Variants in RANBP17 observed in about 807,000 individuals in gnomAD.
The protein encoded by RANBP17 is RAN binding protein 17, also known as ran-binding protein 17.
RANBP17 carries 158 observed loss-of-function variants against 141.2 expected under a neutral mutation model. The ratio of observed to expected loss-of-function variants is 1.12; its 90% CI spans 0.98 to 1.28. RANBP17 has a LOEUF of 1.28. RANBP17 is among the 50% of genes most tolerant of loss of function. RANBP17 has a pLI of 0.00. For missense variants in RANBP17, 1,438 were observed against 1,290.7 expected (o/e 1.11, Z -1.75); for synonymous variants, 430 against 450.0 (o/e 0.96, Z 0.56).
intron 25 of RANBP17, among the ~76,000 whole-genome samples, chr5:171,274,434 C>T (rs1767369419): frequency 6.6e-6 from 1 of 151,826 alleles, no homozygotes; most frequent in South Asian, 2.1e-4. Context: ...ATGATCTAGT[C>T]CAGATCCTTT....
At chr5:170,982,325 A>T (rs763015208) in intron 14 of RANBP17, among the ~76,000 whole-genome samples, 1 of 152,226 alleles carries the variant, frequency 6.6e-6, no homozygotes, top group East Asian at 1.9e-4. Context: ...TAAAGCTCCT[A>T]TTCTTTTTTG....
At chr5:171,013,077 G>T (rs1780175781) in intron 14 of RANBP17, among the ~76,000 whole-genome samples, 1 of 152,182 alleles carries the variant, frequency 6.6e-6, no homozygotes, top group Non-Finnish European at 1.5e-5. Context: ...TGCATTGAGT[G>T]TATGTGTACG....
chr5:171,058,614 A>G (rs1783579778), intron 14 of RANBP17, among the ~76,000 whole-genome samples: 2 of 150,978 alleles, frequency 1.3e-5, no homozygotes, highest in Non-Finnish European at 2.9e-5. Flanking sequence ...TAGTGCCACA[A>G]TAAACATATG....
intron 14 of RANBP17, among the ~76,000 whole-genome samples, chr5:171,143,877 G>C (rs1757867033): frequency 6.6e-6 from 1 of 152,166 alleles, no homozygotes; most frequent in East Asian, 1.9e-4. Context: ...TCAGCTGAGG[G>C]AACAGTAGAC....
At chr5:171,278,621 G>C (rs567759161) in intron 25 of RANBP17, among the ~76,000 whole-genome samples, 2 of 152,308 alleles carry the variant, frequency 1.3e-5, no homozygotes, top group South Asian at 4.2e-4. Flanking sequence ...GCCAGTCCTA[G>C]AGGAGAGAAA....
chr5:170,965,402 A>T (rs537399876), intron 13 of RANBP17, among the ~76,000 whole-genome samples: 1 of 151,932 alleles, frequency 6.6e-6, no homozygotes, highest in Admixed American at 6.6e-5. Context: ...CTTTAGTTTA[A>T]TTAGATCCCA....
At chr5:170,896,846 A>C in intron 5 of RANBP17, 1 of 477,416 alleles carries the variant, frequency 2.1e-6, no homozygotes, top group South Asian at 2.0e-5. Context: ...CAATAACAAG[A>C]AACAATACAG....
intron 14 of RANBP17, among the ~76,000 whole-genome samples, chr5:171,140,600 C>G (rs1454807595): frequency 1.3e-5 from 2 of 152,164 alleles, no homozygotes; most frequent in Non-Finnish European, 2.9e-5. Flanking sequence ...AGAACAGGTC[C>G]TGCCAAACTT....
chr5:170,992,288 T>C (rs530399505), intron 14 of RANBP17, among the ~76,000 whole-genome samples: 1 of 152,174 alleles, frequency 6.6e-6, no homozygotes, highest in African/African-American at 2.4e-5. Context: ...AATTCTCTCT[T>C]TTGTTTTCCT....
At chr5:171,178,492 T>A (rs747207911) in intron 16 of RANBP17, among the ~76,000 whole-genome samples, 7 of 152,186 alleles carry the variant, frequency 4.6e-5, no homozygotes, top group Non-Finnish European at 7.3e-5. Flanking sequence ...CGCGTGCATG[T>A]GTCTTCATAG....
At chr5:171,155,890 G>T (rs549969327) in intron 14 of RANBP17, among the ~76,000 whole-genome samples, 2 of 152,114 alleles carry the variant, frequency 1.3e-5, no homozygotes, top group South Asian at 2.1e-4. Flanking sequence ...ATAATAAAAG[G>T]CAATACACTA....
chr5:170,936,950 C>CCA (rs957645285), intron 12 of RANBP17, among the ~76,000 whole-genome samples: 30 of 152,320 alleles, frequency 2.0e-4, no homozygotes, highest in African/African-American at 7.0e-4. Flanking sequence ...TGTAACCACT[C>CCA]CACTGTCTTC....
chr5:171,003,232 AAC>A (rs1227884974), intron 14 of RANBP17, among the ~76,000 whole-genome samples: 1 of 152,156 alleles, frequency 6.6e-6, no homozygotes, highest in Non-Finnish European at 1.5e-5. Flanking sequence ...ATGTAATGAA[AAC>A]AGTTAGGATG....
At position 170,968,340 on chromosome 5, in the gene RANBP17, A is replaced by G; in HGVS notation, c.1673A>G (p.Lys558Arg). ...CTGTGGTTCTTGGATCAGTTTCGTA[A>G]AACATATGTTGGTGATCAACTTCAA... ...AILWFLDQFR[K>R]TYVGDQLQRT... Residue 558 changes from lysine (K) to arginine (R), a missense_variant, in exon 14 of 28, where the codon AAA becomes AGA. By Grantham distance (26) the Lys-to-Arg change is conservative. Transcript: ENST00000523189. 2.5e-6 allele frequency: 4 copies of G among 1,608,588 alleles called. No homozygotes were observed. The highest frequency in any genetic ancestry group is 3.4e-6 in the Non-Finnish European group (4 of 1,177,828).
intron 14 of RANBP17, among the ~76,000 whole-genome samples, chr5:171,004,617 CA>C (rs1416380390): frequency 7.2e-5 from 11 of 152,226 alleles, no homozygotes; most frequent in Middle Eastern, 3.4e-3. Context: ...CATGATAGTC[CA>C]GGGGGCTTCC....
chr5:171,233,815 A>G (rs1294644357), intron 22 of RANBP17, among the ~76,000 whole-genome samples: 1 of 152,206 alleles, frequency 6.6e-6, no homozygotes, highest in Non-Finnish European at 1.5e-5. Context: ...TGGTGGATGC[A>G]TATTCATTAT....
chr5:170,876,243 G>T (rs1768168512), intron 1 of RANBP17, among the ~76,000 whole-genome samples: 1 of 151,888 alleles, frequency 6.6e-6, no homozygotes, highest in Non-Finnish European at 1.5e-5. Context: ...CCTCCTCCCT[G>T]TGGGTTACCC....
intron 24 of RANBP17, among the ~76,000 whole-genome samples, chr5:171,249,799 A>G (rs1380058583): frequency 6.6e-6 from 1 of 152,194 alleles, no homozygotes; most frequent in East Asian, 1.9e-4. Flanking sequence ...TCAAATTGCC[A>G]GCATCCATGA....
chr5:170,957,105 ACACG>A (rs904771620), intron 13 of RANBP17, among the ~76,000 whole-genome samples: 10 of 150,574 alleles, frequency 6.6e-5, no homozygotes, highest in African/African-American at 2.5e-4. Flanking sequence ...ACACACACAC[ACACG>A]CGCACACTGC....
Sources: allele counts gnomAD v4.1 joint callset (sites outside exome capture counted in the v4.1 genomes callset), GRCh38; gene constraint gnomAD v4.1.1; transcripts MANE v1.5; gene names NCBI Gene and HGNC (gene_info 2026-07-23, HGNC 2026-07-21).